The following RAPGEF5 variants were observed in gnomAD, a reference collection of about 807,000 sequenced individuals.
The protein encoded by RAPGEF5 is M-Ras-regulated GEF.
In RAPGEF5, 65 loss-of-function variants were observed where a neutral mutation model predicts 125.2. That is an observed-to-expected ratio of 0.52 (90% CI 0.43 to 0.64). The LOEUF is 0.64. Among genes scored for constraint, RAPGEF5 ranks in the 30% least tolerant of loss-of-function variants. The probability of loss-of-function intolerance (pLI) is 0.00; values close to 1 mark genes in which losing one functional copy is unlikely to be tolerated. For missense variants in RAPGEF5, 958 were observed against 1,048.1 expected (o/e 0.91, Z 1.19); for synonymous variants, 391 against 385.9 (o/e 1.01, Z -0.16).
chr7:22,132,189 G>A (rs1194975225), intron 23 of RAPGEF5, among the ~76,000 whole-genome samples: 3 of 152,042 alleles, frequency 2.0e-5, no homozygotes, highest in African/African-American at 7.2e-5. Flanking sequence ...GTCCCTATGG[G>A]GTAATTATGA....
At chr7:22,231,450 GTACAATGACCT>G (rs1786054879) in intron 7 of RAPGEF5, among the ~76,000 whole-genome samples, 1 of 151,956 alleles carries the variant, frequency 6.6e-6, no homozygotes, top group Non-Finnish European at 1.5e-5. Flanking sequence ...TTCTTCATGG[GTACAATGACCT>G]CTTACACAAA....
intron 4 of RAPGEF5, among the ~76,000 whole-genome samples, chr7:22,309,396 C>T (rs1449899976): frequency 6.6e-6 from 1 of 152,172 alleles, no homozygotes; most frequent in African/African-American, 2.4e-5. Flanking sequence ...AGCTGAGAGA[C>T]TGGGCTAAAT....
At chr7:22,148,729 T>TTGG (rs1783523342) in intron 18 of RAPGEF5, among the ~76,000 whole-genome samples, 2 of 152,174 alleles carry the variant, frequency 1.3e-5, no homozygotes, top group African/African-American at 4.8e-5. Flanking sequence ...GAAGGTGGCC[T>TTGG]TGGACAGTGG....
chr7:22,155,480 T>A (rs1485530157), intron 16 of RAPGEF5, among the ~76,000 whole-genome samples: 1 of 152,212 alleles, frequency 6.6e-6, no homozygotes, highest in Non-Finnish European at 1.5e-5. Flanking sequence ...TACTCTTTGG[T>A]GTTGCAAAAA....
chr7:22,333,026 T>C (rs1783951614), intron 1 of RAPGEF5, among the ~76,000 whole-genome samples: 1 of 152,204 alleles, frequency 6.6e-6, no homozygotes, highest in African/African-American at 2.4e-5. Flanking sequence ...TAAAATGCTT[T>C]TAATCATCTC....
chr7:22,125,778 T>C (rs766984511), intron 24 of RAPGEF5, 120 bp from the exon 25 acceptor site: 2 of 919,856 alleles, frequency 2.2e-6, no homozygotes, highest in East Asian at 5.0e-5. Context: ...AGAGAAGAAC[T>C]GTATTTGGAG....
Position 22,207,750 on chromosome 7 carries a change from A to T in RAPGEF5, c.996+12116T>A, listed in dbSNP as rs1383165599. The stretch of plus-strand genomic sequence containing the variant: ...CCAAGGACTATGTATAATATACTAA[A>T]TTTTTTTTGACAAGTATATTTTGTA... On this transcript the variant is annotated intron_variant, in intron 9 of 25. Coordinates refer to ENST00000665637, the MANE Select transcript of RAPGEF5 (RefSeq NM_012294.5). Among the ~76,000 whole-genome samples, 15 of 152,044 alleles carry T rather than the reference A, an allele frequency of 9.9e-5. 1 individual carries two copies. In the East Asian group the frequency reaches 2.7e-3, roughly 27 times the overall value.
In RAPGEF5 at chr7:22,193,384, A is replaced by T; in HGVS notation, c.1187T>A (p.Val396Asp). ...HLLNDLHLEE[V>D]QDKETETLLD... Reference sequence around the variant, plus strand: ...AGCCTTACCTGTTTCTTTGTCCTGGACTTCTTCCAGGTGCAAGTCATTCAA... The same window carrying T: ...AGCCTTACCTGTTTCTTTGTCCTGGTCTTCTTCCAGGTGCAAGTCATTCAA... Residue 396 changes from valine to aspartate, a missense_variant, in exon 11 of 26, where the codon GTC becomes GAC. Val to Asp is a radical substitution (Grantham distance 152, BLOSUM62 -3). Coordinates refer to ENST00000665637, the MANE Select transcript of RAPGEF5 (RefSeq NM_012294.5). 6.3e-7 allele frequency: 1 copy of T among 1,590,892 alleles called. No individual in the cohort carries two copies. The highest frequency in any genetic ancestry group is 8.6e-7 in the Non-Finnish European group (1 of 1,167,830).
At chr7:22,205,657 C>G (rs755902854) in intron 9 of RAPGEF5, among the ~76,000 whole-genome samples, 9 of 152,174 alleles carry the variant, frequency 5.9e-5, no homozygotes, top group Non-Finnish European at 1.0e-4. Context: ...TAGCCAACAT[C>G]AAGAACTAGG....
At chr7:22,184,860 T>A (rs1366194699) in intron 11 of RAPGEF5, among the ~76,000 whole-genome samples, 2 of 152,178 alleles carry the variant, frequency 1.3e-5, no homozygotes. Flanking sequence ...ACAGTCAAAA[T>A]TTAATTTTTA....
intron 6 of RAPGEF5, among the ~76,000 whole-genome samples, chr7:22,282,277 T>C (rs1458221496): frequency 1.3e-5 from 2 of 152,212 alleles, no homozygotes; most frequent in Non-Finnish European, 2.9e-5. Flanking sequence ...TCCTCTGAAT[T>C]CACACAATGG....
At chr7:22,220,298 T>G (rs1438752401) in intron 8 of RAPGEF5, 2 of 234,338 alleles carry the variant, frequency 8.5e-6, no homozygotes, top group African/African-American at 2.2e-5. Context: ...CCTGACAGCC[T>G]GTTTCCTGTT....
intron 5 of RAPGEF5, 82 bp downstream of exon 5, chr7:22,308,257 T>G (rs11974052): frequency 0.087 from 114,565 of 1,317,664 alleles, 8,681 homozygotes; most frequent in East Asian, 0.4. Flanking sequence ...ACAGTGATCT[T>G]AAAGAGCAGA....
At chr7:22,310,821 T>C (rs564046460) in intron 3 of RAPGEF5, among the ~76,000 whole-genome samples, 19 of 152,320 alleles carry the variant, frequency 1.2e-4, no homozygotes, top group African/African-American at 3.8e-4. Context: ...TAACCACGCA[T>C]GAAAAATTAT....
chr7:22,321,372 T>A (rs940762477), intron 1 of RAPGEF5, among the ~76,000 whole-genome samples: 5 of 152,240 alleles, frequency 3.3e-5, no homozygotes, highest in African/African-American at 1.2e-4. Flanking sequence ...GAAGCAGGCA[T>A]GGAACTCATT....
At position 22,144,345 on chromosome 7, in the gene RAPGEF5, T is replaced by C. The variant is rs150687290; in HGVS notation, c.2186+699A>G. On this transcript the variant is annotated intron_variant, in intron 20 of 25. Coordinates refer to ENST00000665637, the MANE Select transcript of RAPGEF5 (RefSeq NM_012294.5). ...AAGTTTTCGGAAGGTAAAAAGTATA[T>C]CTGTGCAGAGGGGAAGTAGAGGCAG... Among the ~76,000 whole-genome samples the C allele has an allele frequency of 4.8e-3, 733 of 152,296 alleles. 6 individuals are homozygous for C. The highest frequency in any genetic ancestry group is 0.017 in the African/African-American group (705 of 41,562).
chr7:22,292,855 G>A (rs1003487062), intron 5 of RAPGEF5, among the ~76,000 whole-genome samples: 1 of 152,216 alleles, frequency 6.6e-6, no homozygotes, highest in Non-Finnish European at 1.5e-5. Flanking sequence ...GAGGTATTTT[G>A]CACTAGCACA....
chr7:22,310,157 G>C, intron 3 of RAPGEF5, 67 bp from the exon 4 acceptor site: 2 of 1,396,248 alleles, frequency 1.4e-6, no homozygotes, highest in Middle Eastern at 1.8e-4. Context: ...AAACAAAAAT[G>C]ATATATAATA....
chr7:22,125,734 T>C (rs577772722), intron 24 of RAPGEF5, 76 bp from the exon 25 acceptor site: 1 of 1,353,916 alleles, frequency 7.4e-7, no homozygotes, highest in Non-Finnish European at 1.1e-6. Context: ...CCTGCTAGGA[T>C]GGAAGGATAA....
Sources: gnomAD v4.1 joint callset for allele counts (sites outside exome capture counted in the v4.1 genomes callset) on GRCh38, gnomAD v4.1.1 for gene constraint, MANE v1.5 for transcripts, NCBI Gene and HGNC (gene_info 2026-07-23, HGNC 2026-07-21) for gene names.